The following PCDH15 variants were observed in gnomAD, a reference collection of about 807,000 sequenced individuals.
The protein encoded by PCDH15 is protocadherin-15.
In PCDH15, 129 loss-of-function variants were observed where a neutral mutation model predicts 178.5. That is an observed-to-expected ratio of 0.72 (90% CI 0.63 to 0.84). The LOEUF (loss-of-function observed/expected upper bound fraction) is 0.84. Among genes scored for constraint, PCDH15 ranks in the 40% least tolerant of loss-of-function variants. The pLI is 0.00. For synonymous variants in PCDH15, 800 were observed against 732.0 expected (o/e 1.09, Z -1.50); for missense variants, 2,230 against 2,099.9 (o/e 1.06, Z -1.21).
intron 2 of PCDH15, among the ~76,000 whole-genome samples, chr10:55,596,833 C>A (rs1424082707): frequency 1.3e-5 from 2 of 151,836 alleles, no homozygotes; most frequent in African/African-American, 2.4e-5. Context: ...AAAAATAAAT[C>A]TTTTAACTAT....
At position 55,446,364 on chromosome 10, in the gene PCDH15, G is replaced by A. The variant is rs900993121; in HGVS notation, c.-156+181261C>T. Among the ~76,000 whole-genome samples, 4 of 151,672 alleles carry A rather than the reference G, an allele frequency of 2.6e-5. No homozygotes were observed. In the East Asian group the frequency reaches 7.7e-4, roughly 29 times the overall value. On this transcript the variant is annotated intron_variant, in intron 2 of 5. Transcript: ENST00000613346. The stretch of plus-strand genomic sequence containing the variant: ...GAGAAACAAAAAGTTTATTTAATAA[G>A]ATAAAAATAAGTTCTAAAAAGAAAA...
At chr10:53,887,736 A>C (rs984666200) in intron 26 of PCDH15, among the ~76,000 whole-genome samples, 10 of 152,110 alleles carry the variant, frequency 6.6e-5, no homozygotes, top group Non-Finnish European at 1.5e-4. Context: ...AAAAATACGA[A>C]AAATTAGCCG....
At chr10:53,812,671 A>ATAAC (rs2075914457) in intron 35 of PCDH15, among the ~76,000 whole-genome samples, 1 of 152,196 alleles carries the variant, frequency 6.6e-6, no homozygotes, top group Non-Finnish European at 1.5e-5. Context: ...ACGGTTTCTG[A>ATAAC]TAACTATCAA....
intron 8 of PCDH15, among the ~76,000 whole-genome samples, chr10:54,295,422 C>T (rs2059689160): frequency 6.6e-6 from 1 of 152,204 alleles, no homozygotes; most frequent in African/African-American, 2.4e-5. Flanking sequence ...CTCGGATCCC[C>T]TTCCATGCTG....
rs896693384 is a variant in PCDH15 at position 55,049,924 on chromosome 10, A to G, written c.-80+116652T>C. Among the ~76,000 whole-genome samples the G allele has an allele frequency of 2.6e-5, 4 of 152,072 alleles. 1 individual carries two copies. Among genetic ancestry groups the G allele is most frequent in the Admixed American group, 1.3e-4 (2 of 15,252 alleles). ...TATTTTGCACTGAAACAGAGTTTTA[A>G]AAACTCTATCACTCCCTTTGATTTT... On this transcript the variant is annotated intron_variant, in intron 2 of 5. Coordinates refer to the PCDH15 transcript ENST00000458638.
intron 2 of PCDH15, among the ~76,000 whole-genome samples, chr10:54,598,749 T>C (rs1275001679): frequency 6.6e-6 from 1 of 152,140 alleles, no homozygotes; most frequent in Admixed American, 6.6e-5. Context: ...GAAAGCTCTG[T>C]AAGCTGACAA....
At chr10:55,307,959 A>T (rs1457352675) in intron 1 of PCDH15, among the ~76,000 whole-genome samples, 2 of 152,144 alleles carry the variant, frequency 1.3e-5, no homozygotes, top group Non-Finnish European at 2.9e-5. Context: ...ACAAATTAGA[A>T]ATTTTTATTC....
At chr10:54,696,981 A>G (rs76493562) in intron 1 of PCDH15, among the ~76,000 whole-genome samples, 12,082 of 152,010 alleles carry the variant, frequency 0.079, 527 homozygotes, top group South Asian at 0.15. Context: ...GTGTATCACT[A>G]TGTTGCCCAG....
At chr10:54,034,854 G>C (rs2093380070) in intron 18 of PCDH15, among the ~76,000 whole-genome samples, 3 of 151,820 alleles carry the variant, frequency 2.0e-5, no homozygotes. Flanking sequence ...GGTGTAAACA[G>C]TACTGCTGCT....
In PCDH15 at chr10:55,018,235, G is replaced by A. The variant is rs180872242; in HGVS notation, c.-79-120735C>T. Among the ~76,000 whole-genome samples the A allele has an allele frequency of 6.3e-3, 956 of 152,098 alleles. 6 individuals carry two copies. Among genetic ancestry groups the A allele is most frequent in the Non-Finnish European group, 9.8e-3 (666 of 67,956 alleles). On this transcript the variant is annotated intron_variant, in intron 2 of 5. Transcript: ENST00000458638. ...TAATGCGAAAAAGTTGATCTATGAT[G>A]AACATTTAGGGAACCACAGTTGTCT...
chr10:55,296,323 AT>A (rs1243092179), intron 1 of PCDH15, among the ~76,000 whole-genome samples: 1 of 152,104 alleles, frequency 6.6e-6, no homozygotes, highest in Non-Finnish European at 1.5e-5. Context: ...TTCCCTGGAG[AT>A]TGAAGGATGG....
intron 2 of PCDH15, among the ~76,000 whole-genome samples, chr10:54,578,539 T>C (rs2090734949): frequency 6.6e-6 from 1 of 152,146 alleles, no homozygotes. Context: ...CATAGTAATT[T>C]TAAAATAAGA....
At position 55,598,513 on chromosome 10, in the gene PCDH15, AATATATAT is replaced by A. The variant is rs61184409; in HGVS notation, c.-156+29104_-156+29111del. Among the ~76,000 whole-genome samples the A allele has an allele frequency of 6.6e-3, 548 of 82,814 alleles. 6 individuals are homozygous for A. The highest frequency in any genetic ancestry group is 0.01 in the Non-Finnish European group (362 of 36,112). 54.3% of individuals were successfully genotyped at this position (82,814 alleles called of 152,430 possible). On this transcript the variant is annotated intron_variant, in intron 2 of 5. Coordinates refer to the PCDH15 transcript ENST00000613346. ...TATAACACCAGCTTCAGCAAACCCTAATATATATATATATATATATATATATATATATA... is the reference window on the plus strand; with the variant it reads ...TATAACACCAGCTTCAGCAAACCCTAATATATATATATATATATATATATA...
In PCDH15 at chr10:55,105,055, A is replaced by G. The variant is rs115341658; in HGVS notation, c.-80+61521T>C. On this transcript the variant is annotated intron_variant, in intron 2 of 5. Transcript: ENST00000458638. ...GTACTGCAGTTAATTTTGTGCAGTTATGACTTAATGCTGCATTTTTATGTT... is the reference window on the plus strand; with the variant it reads ...GTACTGCAGTTAATTTTGTGCAGTTGTGACTTAATGCTGCATTTTTATGTT... 6.1e-3 allele frequency among the ~76,000 whole-genome samples: 933 copies of G among 152,318 alleles called. 11 individuals are homozygous for G. Among genetic ancestry groups the G allele is most frequent in the African/African-American group, 0.021 (891 of 41,580 alleles).
At chr10:54,689,497 C>A (rs1184092533) in intron 1 of PCDH15, among the ~76,000 whole-genome samples, 1 of 152,150 alleles carries the variant, frequency 6.6e-6, no homozygotes, top group African/African-American at 2.4e-5. Flanking sequence ...TGACTACTTT[C>A]CTCATTAACT....
At chr10:55,456,446 G>A (rs1316675406) in intron 2 of PCDH15, among the ~76,000 whole-genome samples, 1 of 151,956 alleles carries the variant, frequency 6.6e-6, no homozygotes, top group Admixed American at 6.6e-5. Flanking sequence ...CATGCATTCT[G>A]TGTTAAACGT....
At chr10:54,571,470 A>T (rs113959685) in intron 2 of PCDH15, among the ~76,000 whole-genome samples, 2,308 of 152,204 alleles carry the variant, frequency 0.015, 59 homozygotes, top group African/African-American at 0.052. Flanking sequence ...AATGCAGAAA[A>T]TTAATATATT....
intron 7 of PCDH15, among the ~76,000 whole-genome samples, chr10:54,319,906 C>A (rs1223729434): frequency 6.6e-6 from 1 of 151,852 alleles, no homozygotes. Context: ...TTAGGAAACA[C>A]GAATTTCTGT....
intron 2 of PCDH15, among the ~76,000 whole-genome samples, chr10:55,048,275 G>C (rs1841063921): frequency 6.6e-6 from 1 of 151,450 alleles, no homozygotes; most frequent in African/African-American, 2.4e-5. Flanking sequence ...AATACTTTAA[G>C]AAAAAACAAC....
Sources: allele counts gnomAD v4.1 joint callset (sites outside exome capture counted in the v4.1 genomes callset), GRCh38; gene constraint gnomAD v4.1.1; transcripts MANE v1.5; gene names NCBI Gene and HGNC (gene_info 2026-07-23, HGNC 2026-07-21).